Variants in GRM8 observed in about 807,000 individuals in gnomAD.
The protein encoded by GRM8 is glutamate metabotropic receptor 8.
GRM8 carries 47 observed loss-of-function variants against 87.2 expected under a neutral mutation model. That is an observed-to-expected ratio of 0.54 (90% CI 0.43 to 0.69). GRM8 has a LOEUF of 0.69. Ranked by LOEUF, GRM8 falls within the 30% of genes least tolerant of loss-of-function variation. The probability of loss-of-function intolerance (pLI) is 0.00; values close to 1 mark genes in which losing one functional copy is unlikely to be tolerated. For missense variants in GRM8, 1,019 were observed against 1,139.2 expected, an observed-to-expected ratio of 0.89 and a Z score of 1.52; for synonymous variants, 396 against 404.5, an observed-to-expected ratio of 0.98 and a Z score of 0.25.
chr7:127,041,314 C>A (rs562246334), intron 3 of GRM8, among the ~76,000 whole-genome samples: 24 of 152,226 alleles, frequency 1.6e-4, no homozygotes, highest in Admixed American at 1.2e-3. Context: ...CTTTACAATG[C>A]CGGTGCAGGG....
intron 7 of GRM8, among the ~76,000 whole-genome samples, chr7:126,751,442 G>A (rs1026123739): frequency 1.3e-5 from 2 of 151,920 alleles, no homozygotes; most frequent in African/African-American, 4.8e-5. Context: ...TGCATGTTAT[G>A]TATGTACATG....
intron 5 of GRM8, among the ~76,000 whole-genome samples, chr7:126,903,481 A>T (rs1254397895): frequency 6.6e-6 from 1 of 151,500 alleles, no homozygotes; most frequent in Non-Finnish European, 1.5e-5. Context: ...ACTCAAACTC[A>T]AAGTGCAATT....
At chr7:127,024,570 G>A (rs1050533029) in intron 3 of GRM8, among the ~76,000 whole-genome samples, 2 of 152,026 alleles carry the variant, frequency 1.3e-5, no homozygotes, top group Non-Finnish European at 2.9e-5. Context: ...CACAAGAGAC[G>A]ACATCTCTTT....
chr7:126,518,288 G>A (rs559200338), intron 9 of GRM8, among the ~76,000 whole-genome samples: 27 of 152,148 alleles, frequency 1.8e-4, no homozygotes, highest in Admixed American at 6.5e-5. Context: ...TGTGGCTTAT[G>A]TATTTCCATA....
chr7:126,832,241 T>C (rs1362280868), intron 6 of GRM8, among the ~76,000 whole-genome samples: 2 of 150,860 alleles, frequency 1.3e-5, no homozygotes, highest in Non-Finnish European at 3.0e-5. Flanking sequence ...ACTAGATCCC[T>C]TATCTACTCA....
At chr7:127,075,417 T>C (rs1350578511) in intron 3 of GRM8, among the ~76,000 whole-genome samples, 1 of 152,172 alleles carries the variant, frequency 6.6e-6, no homozygotes, top group African/African-American at 2.4e-5. Flanking sequence ...ATAAAATTGA[T>C]AGAAATACAC....
At chr7:127,018,396 C>G (rs1166819008) in intron 3 of GRM8, among the ~76,000 whole-genome samples, 1 of 148,684 alleles carries the variant, frequency 6.7e-6, no homozygotes, top group South Asian at 2.1e-4. Flanking sequence ...AAAGAGCCCC[C>G]TGAAAATCTT....
intron 7 of GRM8, among the ~76,000 whole-genome samples, chr7:126,689,469 T>A (rs150011633): frequency 5.4e-4 from 82 of 152,346 alleles, no homozygotes; most frequent in Admixed American, 4.2e-3. Context: ...AATGTACTTA[T>A]GGCTAAAATA....
At chr7:126,706,469 G>A (rs1290207777) in intron 7 of GRM8, among the ~76,000 whole-genome samples, 1 of 152,060 alleles carries the variant, frequency 6.6e-6, no homozygotes. Context: ...TAAGGTGGGG[G>A]GAAATCTTTC....
chr7:126,884,712 G>A (rs1218013490), intron 6 of GRM8, among the ~76,000 whole-genome samples: 1 of 152,104 alleles, frequency 6.6e-6, no homozygotes, highest in African/African-American at 2.4e-5. Flanking sequence ...ATTATCCAGT[G>A]CCTTCTATGT....
chr7:126,739,974 A>G (rs1814756845), intron 7 of GRM8, among the ~76,000 whole-genome samples: 1 of 152,072 alleles, frequency 6.6e-6, no homozygotes, highest in Admixed American at 6.6e-5. Context: ...GTTTGTATAA[A>G]TACTTCTATG....
At chr7:126,455,102 T>C in intron 9 of GRM8, among the ~76,000 whole-genome samples, 1 of 151,746 alleles carries the variant, frequency 6.6e-6, no homozygotes. Flanking sequence ...CTATCAATTA[T>C]TGAGGATCAA....
intron 6 of GRM8, among the ~76,000 whole-genome samples, chr7:126,838,154 G>A (rs1425533451): frequency 6.6e-6 from 1 of 152,098 alleles, no homozygotes; most frequent in African/African-American, 2.4e-5. Flanking sequence ...AACTGCTAGA[G>A]TATTTTTAGC....
chr7:126,446,292 C>G lies in GRM8; in HGVS notation c.2511G>C (p.Lys837Asn). ...SVSLGMLYMP[K>N]VYIIIFHPEQ... ...CTGGATGAAAAATTATAATATAAAC[C>G]TTGGGCATATAGAGCATGCCCAGAG... The change falls in exon 10 of 11, where the codon AAG becomes AAC. Residue 837 changes from lysine to asparagine, a missense_variant. Physicochemically the swap from Lys to Asn is moderately conservative, Grantham distance 94. Coordinates refer to ENST00000339582, the MANE Select transcript of GRM8 (RefSeq NM_000845.3). 6.2e-7 allele frequency: 1 copy of G among 1,610,808 alleles called. No individual in the cohort carries two copies. The highest frequency in any genetic ancestry group is 8.5e-7 in the Non-Finnish European group (1 of 1,177,702).
chr7:127,019,875 T>C (rs1362708522), intron 3 of GRM8, among the ~76,000 whole-genome samples: 1 of 151,462 alleles, frequency 6.6e-6, no homozygotes. Flanking sequence ...ACAAACACAA[T>C]GAGCACAAAG....
At chr7:127,048,191 G>C (rs900846644) in intron 3 of GRM8, among the ~76,000 whole-genome samples, 3 of 152,140 alleles carry the variant, frequency 2.0e-5, no homozygotes, top group African/African-American at 7.2e-5. Context: ...GTTGTGTAAA[G>C]GATATTCAGC....
At chr7:127,150,564 A>T (rs144519738) in intron 2 of GRM8, among the ~76,000 whole-genome samples, 353 of 152,224 alleles carry the variant, frequency 2.3e-3, no homozygotes, top group Admixed American at 5.4e-3. Context: ...TACCTACCTC[A>T]TTGACAACGA....
At chr7:127,215,457 C>T (rs371839251) in intron 2 of GRM8, among the ~76,000 whole-genome samples, 2 of 151,956 alleles carry the variant, frequency 1.3e-5, no homozygotes, top group Non-Finnish European at 2.9e-5. Flanking sequence ...CTTGTAACAG[C>T]GCCCAAGTCC....
intron 6 of GRM8, among the ~76,000 whole-genome samples, chr7:126,807,187 C>A (rs565168925): frequency 6.6e-6 from 1 of 152,150 alleles, no homozygotes; most frequent in Non-Finnish European, 1.5e-5. Context: ...ACTAGGTCTT[C>A]TCCTCCAAGA....
Sources: gnomAD v4.1 joint callset for allele counts (sites outside exome capture counted in the v4.1 genomes callset) on GRCh38, gnomAD v4.1.1 for gene constraint, MANE v1.5 for transcripts, NCBI Gene and HGNC (gene_info 2026-07-23, HGNC 2026-07-21) for gene names.